PTPRD: variants seen among roughly 807,000 people sequenced by gnomAD.
PTPRD encodes the protein receptor-type tyrosine-protein phosphatase delta.
A neutral mutation model predicts 214.5 loss-of-function variants in PTPRD; 34 were observed. The ratio of observed to expected loss-of-function variants is 0.16; its 90% CI spans 0.12 to 0.21. The LOEUF is 0.21. PTPRD is among the 10% of genes least tolerant of loss of function. The pLI, the probability that PTPRD is intolerant of heterozygous loss-of-function variation, is 1.00. For synonymous variants in PTPRD, 1,128 were observed against 845.7 expected (o/e 1.33, Z -5.79); for missense variants, 2,545 against 2,398.7 (o/e 1.06, Z -1.27).
chr9:10,510,404 C>T (rs1170845232), intron 2 of PTPRD, among the ~76,000 whole-genome samples: 1 of 152,078 alleles, frequency 6.6e-6, no homozygotes, highest in African/African-American at 2.4e-5. Context: ...GAACAGTTCC[C>T]TCTCCTCAGA....
chr9:8,432,965 AT>A (rs1172895513), intron 35 of PTPRD, among the ~76,000 whole-genome samples: 28 of 152,358 alleles, frequency 1.8e-4, no homozygotes, highest in Admixed American at 3.9e-4. Flanking sequence ...TTCTGATCTA[AT>A]GGCTAAATGA....
chr9:8,689,748 T>C lies in PTPRD; in HGVS notation c.64+44032A>G, dbSNP rs139625380. On this transcript the variant is annotated intron_variant, in intron 12 of 45. Transcript: ENST00000381196. ...GATGTAATATCCTATTTGGTTCATC[T>C]CTTCTTTAGAATATTACTGTTTTTC... is the stretch of plus-strand genomic sequence containing the variant. 3.5e-3 allele frequency among the ~76,000 whole-genome samples: 535 copies of C among 152,282 alleles called. 2 individuals carry two copies. The highest frequency in any genetic ancestry group is 0.012 in the African/African-American group (518 of 41,558).
chr9:9,872,808 A>G (rs2065844928), intron 5 of PTPRD, among the ~76,000 whole-genome samples: 1 of 152,080 alleles, frequency 6.6e-6, no homozygotes, highest in Non-Finnish European at 1.5e-5. Context: ...CAAATGAAAA[A>G]CCTTCAAGAG....
intron 11 of PTPRD, among the ~76,000 whole-genome samples, chr9:8,749,002 T>C (rs2093222611): frequency 6.6e-6 from 1 of 152,132 alleles, no homozygotes. Flanking sequence ...AACACACATG[T>C]GAAAATATGT....
chr9:8,386,034 T>C (rs1456107077), intron 37 of PTPRD, among the ~76,000 whole-genome samples: 1 of 152,224 alleles, frequency 6.6e-6, no homozygotes, highest in African/African-American at 2.4e-5. Context: ...GTTGTCACTG[T>C]AAAGCCCCCA....
chr9:10,152,145 G>C (rs566819153), intron 3 of PTPRD, among the ~76,000 whole-genome samples: 4 of 152,012 alleles, frequency 2.6e-5, no homozygotes, highest in African/African-American at 9.7e-5. Context: ...ACTATTTTTT[G>C]CATTCCCACA....
chr9:10,275,596 C>A (rs10958997), intron 3 of PTPRD, among the ~76,000 whole-genome samples: 6,747 of 152,088 alleles, frequency 0.044, 211 homozygotes, highest in Middle Eastern at 0.078. Context: ...AAGTTCGATT[C>A]CATTATTGGG....
intron 11 of PTPRD, among the ~76,000 whole-genome samples, chr9:8,840,110 G>A (rs913750549): frequency 6.6e-6 from 1 of 152,138 alleles, no homozygotes; most frequent in African/African-American, 2.4e-5. Flanking sequence ...TTACGGTATA[G>A]AACGGTAACA....
intron 3 of PTPRD, among the ~76,000 whole-genome samples, chr9:10,082,795 C>T (rs1383557963): frequency 6.7e-6 from 1 of 148,346 alleles, no homozygotes. Flanking sequence ...AAGCACACCC[C>T]TTTCTTCTAC....
At chr9:8,563,452 T>C (rs910333174) in intron 14 of PTPRD, among the ~76,000 whole-genome samples, 2 of 151,096 alleles carry the variant, frequency 1.3e-5, no homozygotes, top group African/African-American at 2.5e-5. Context: ...TTTTTTTTTT[T>C]TTTGAGACAG....
chr9:9,394,825 C>G (rs543793919), intron 9 of PTPRD, among the ~76,000 whole-genome samples: 1 of 152,050 alleles, frequency 6.6e-6, no homozygotes, highest in Non-Finnish European at 1.5e-5. Flanking sequence ...TTAAAATCAT[C>G]TGGGATGATT....
chr9:8,684,801 A>G (rs927929229), intron 12 of PTPRD, among the ~76,000 whole-genome samples: 1 of 152,094 alleles, frequency 6.6e-6, no homozygotes, highest in Non-Finnish European at 1.5e-5. Flanking sequence ...TGCTTCTACG[A>G]ATTATAATTA....
intron 8 of PTPRD, among the ~76,000 whole-genome samples, chr9:9,531,373 G>C (rs1173232769): frequency 6.6e-6 from 1 of 152,106 alleles, no homozygotes; most frequent in Non-Finnish European, 1.5e-5. Context: ...GTACCTATTA[G>C]TAATTGGATA....
At chr9:8,808,730 C>T (rs749381382) in intron 11 of PTPRD, among the ~76,000 whole-genome samples, 30 of 151,890 alleles carry the variant, frequency 2.0e-4, no homozygotes, top group Admixed American at 4.6e-4. Context: ...TCTACACCAA[C>T]GGTTATCAAA....
At chr9:9,187,665 T>C (rs2131671738) in intron 9 of PTPRD, among the ~76,000 whole-genome samples, 1 of 152,136 alleles carries the variant, frequency 6.6e-6, no homozygotes, top group South Asian at 2.1e-4. Context: ...TGAAATAGAC[T>C]GATTTGGAGC....
chr9:8,546,466 C>T (rs2080177476), intron 14 of PTPRD, among the ~76,000 whole-genome samples: 1 of 151,974 alleles, frequency 6.6e-6, no homozygotes, highest in Non-Finnish European at 1.5e-5. Context: ...CCCCTGGTTT[C>T]AGGGGAATAT....
At chr9:8,498,238 G>C (rs1477166105) in intron 25 of PTPRD, among the ~76,000 whole-genome samples, 1 of 152,066 alleles carries the variant, frequency 6.6e-6, no homozygotes, top group Non-Finnish European at 1.5e-5. Flanking sequence ...ACTTTCCTTA[G>C]AGGCACAGGG....
At chr9:10,032,220 T>C (rs569654534) in intron 4 of PTPRD, among the ~76,000 whole-genome samples, 2 of 152,330 alleles carry the variant, frequency 1.3e-5, no homozygotes, top group South Asian at 2.1e-4. Context: ...AAATGGTTTC[T>C]TACTATAGCC....
chr9:8,832,136 A>G (rs559604623), intron 11 of PTPRD, among the ~76,000 whole-genome samples: 4 of 146,436 alleles, frequency 2.7e-5, no homozygotes, highest in South Asian at 2.2e-4. Flanking sequence ...GTGTGTGTGT[A>G]TGATCTATAC....
Sources: gnomAD v4.1 joint callset for allele counts (sites outside exome capture counted in the v4.1 genomes callset) on GRCh38, gnomAD v4.1.1 for gene constraint, MANE v1.5 for transcripts, NCBI Gene and HGNC (gene_info 2026-07-23, HGNC 2026-07-21) for gene names.